CACNA2D3: variants seen among roughly 807,000 people sequenced by gnomAD.
CACNA2D3 encodes the protein calcium voltage-gated channel auxiliary subunit alpha2delta 3.
Under a neutral mutation model 160.6 loss-of-function variants are expected in CACNA2D3, and 60 were observed. The observed-to-expected ratio is 0.37, with a 90% confidence interval of 0.30 to 0.46. The LOEUF is 0.46. Ranked by LOEUF, CACNA2D3 falls within the 20% of genes least tolerant of loss-of-function variation. The pLI is 1.00. For missense variants in CACNA2D3, 1,205 were observed against 1,365.0 expected (o/e 0.88, Z 1.85); for synonymous variants, 558 against 492.9 (o/e 1.13, Z -1.75).
At chr3:54,701,093 C>T (rs1295385450) in intron 11 of CACNA2D3, among the ~76,000 whole-genome samples, 1 of 152,202 alleles carries the variant, frequency 6.6e-6, no homozygotes, top group African/African-American at 2.4e-5. Flanking sequence ...GAGTGCTTGT[C>T]AAGTGCCTCT....
At chr3:54,408,298 C>T (rs1699610360) in intron 4 of CACNA2D3, among the ~76,000 whole-genome samples, 1 of 152,018 alleles carries the variant, frequency 6.6e-6, no homozygotes, top group African/African-American at 2.4e-5. Context: ...CTCAATATCT[C>T]CAAGCACAGA....
chr3:55,004,933 C>T, intron 32 of CACNA2D3, 95 bp downstream of exon 32: 2 of 803,802 alleles, frequency 2.5e-6, no homozygotes, highest in Non-Finnish European at 4.0e-6. Flanking sequence ...TCAAGTTTAT[C>T]TTTTTGCAAA....
chr3:54,153,961 G>A (rs745459920), intron 2 of CACNA2D3, among the ~76,000 whole-genome samples: 1 of 152,166 alleles, frequency 6.6e-6, no homozygotes, highest in Non-Finnish European at 1.5e-5. Flanking sequence ...ACTCCCTGAA[G>A]AATTAGAGTC....
At chr3:54,331,001 G>C (rs1704238304) in intron 3 of CACNA2D3, among the ~76,000 whole-genome samples, 2 of 152,106 alleles carry the variant, frequency 1.3e-5, no homozygotes, top group Admixed American at 1.3e-4. Flanking sequence ...TAATGGAGGG[G>C]ATGGGCAGAA....
chr3:54,911,130 A>G (rs1575365287), intron 27 of CACNA2D3, among the ~76,000 whole-genome samples: 1 of 152,178 alleles, frequency 6.6e-6, no homozygotes, highest in Non-Finnish European at 1.5e-5. Flanking sequence ...TCTTTAAAAG[A>G]TAAGGACTTC....
At chr3:54,266,160 G>C (rs527856927) in intron 2 of CACNA2D3, among the ~76,000 whole-genome samples, 1 of 152,246 alleles carries the variant, frequency 6.6e-6, no homozygotes, top group South Asian at 2.1e-4. Context: ...GCCTGGTTTG[G>C]CCTGAGCTTT....
intron 5 of CACNA2D3, among the ~76,000 whole-genome samples, chr3:54,516,989 G>T (rs1294291390): frequency 6.6e-6 from 1 of 152,202 alleles, no homozygotes; most frequent in African/African-American, 2.4e-5. Context: ...CCCTGCAGGA[G>T]TGGGAGCCCC....
At chr3:54,244,874 C>T (rs1702041680) in intron 2 of CACNA2D3, among the ~76,000 whole-genome samples, 1 of 152,270 alleles carries the variant, frequency 6.6e-6, no homozygotes, top group East Asian at 1.9e-4. Flanking sequence ...TGTCCATGTA[C>T]CTCCTAAAAT....
At chr3:54,144,482 A>G (rs1180182731) in intron 2 of CACNA2D3, among the ~76,000 whole-genome samples, 1 of 152,204 alleles carries the variant, frequency 6.6e-6, no homozygotes, top group Non-Finnish European at 1.5e-5. Context: ...GCATGTGCAT[A>G]TGTGAAATTC....
At chr3:54,139,396 G>T (rs73844315) in intron 2 of CACNA2D3, among the ~76,000 whole-genome samples, 5,411 of 152,330 alleles carry the variant, frequency 0.036, 314 homozygotes, top group African/African-American at 0.12. Context: ...AGACAAGGCA[G>T]ACTTAGCTGA....
chr3:54,681,618 G>A (rs1206341734), intron 11 of CACNA2D3, among the ~76,000 whole-genome samples: 3 of 151,894 alleles, frequency 2.0e-5, no homozygotes, highest in African/African-American at 7.3e-5. Flanking sequence ...GACATATAGG[G>A]GAAGATAGAA....
At chr3:54,873,673 G>C (rs1204052063) in intron 18 of CACNA2D3, among the ~76,000 whole-genome samples, 1 of 152,136 alleles carries the variant, frequency 6.6e-6, no homozygotes, top group African/African-American at 2.4e-5. Flanking sequence ...TCCAACTTCA[G>C]AGTTGGACAT....
chr3:54,222,395 A>G (rs1309408768), intron 2 of CACNA2D3, among the ~76,000 whole-genome samples: 1 of 152,218 alleles, frequency 6.6e-6, no homozygotes, highest in Admixed American at 6.5e-5. Flanking sequence ...GAATAAACCA[A>G]TGTCCCAGCT....
chr3:54,715,964 G>A (rs1000453519), intron 11 of CACNA2D3, among the ~76,000 whole-genome samples: 2 of 152,098 alleles, frequency 1.3e-5, no homozygotes, highest in African/African-American at 4.8e-5. Flanking sequence ...AATAAGTTCT[G>A]GGTATCTAAT....
chr3:54,781,210 C>T (rs957932321), intron 13 of CACNA2D3, among the ~76,000 whole-genome samples: 18 of 152,194 alleles, frequency 1.2e-4, no homozygotes, highest in Non-Finnish European at 1.5e-5. Flanking sequence ...AAGGGCTGGG[C>T]CTTGGCCACA....
At chr3:54,282,828 C>G (rs1575366081) in intron 2 of CACNA2D3, among the ~76,000 whole-genome samples, 1 of 151,388 alleles carries the variant, frequency 6.6e-6, no homozygotes, top group South Asian at 2.1e-4. Context: ...CTAAGAAGAA[C>G]ATACACTTTT....
chr3:54,168,513 C>T (rs1308332502), intron 2 of CACNA2D3, among the ~76,000 whole-genome samples: 1 of 152,166 alleles, frequency 6.6e-6, no homozygotes, highest in East Asian at 1.9e-4. Context: ...GAATTCACCT[C>T]CCATGATGCT....
chr3:54,446,978 A>T (rs1424965930), intron 4 of CACNA2D3, among the ~76,000 whole-genome samples: 3 of 152,170 alleles, frequency 2.0e-5, no homozygotes, highest in African/African-American at 7.2e-5. Context: ...CGGGTATCCT[A>T]GAAGGAGCGT....
chr3:54,927,438 A>G (rs1701054035), intron 27 of CACNA2D3, among the ~76,000 whole-genome samples: 1 of 152,208 alleles, frequency 6.6e-6, no homozygotes, highest in Admixed American at 6.5e-5. Context: ...CCCCTCAGTA[A>G]TGAACGGACA....
Sources: gnomAD v4.1 joint callset for allele counts (sites outside exome capture counted in the v4.1 genomes callset) on GRCh38, gnomAD v4.1.1 for gene constraint, MANE v1.5 for transcripts, NCBI Gene and HGNC (gene_info 2026-07-23, HGNC 2026-07-21) for gene names.